Variants in FKBP5 observed in about 807,000 individuals in gnomAD.
FKBP5 encodes the protein peptidyl-prolyl cis-trans isomerase FKBP5.
In FKBP5, 23 loss-of-function variants were observed where a neutral mutation model predicts 50.5. That is an observed-to-expected ratio of 0.46 (90% CI 0.33 to 0.65). FKBP5 has a LOEUF of 0.65. Ranked by LOEUF, FKBP5 falls within the 30% of genes least tolerant of loss-of-function variation. The probability of loss-of-function intolerance (pLI) is 0.02; values close to 1 mark genes in which losing one functional copy is unlikely to be tolerated. For missense variants in FKBP5, 411 were observed against 553.1 expected, an observed-to-expected ratio of 0.74 and a Z score of 2.58; for synonymous variants, 176 against 190.6, an observed-to-expected ratio of 0.92 and a Z score of 0.63.
chr6:35,714,469 A>T (rs1330104999), intron 2 of FKBP5, among the ~76,000 whole-genome samples: 2 of 144,570 alleles, frequency 1.4e-5, no homozygotes, highest in African/African-American at 5.1e-5. Flanking sequence ...AAAAAAAAAG[A>T]AAAGAAAAAC....
At chr6:35,608,346 C>G (rs1477041141) in intron 5 of FKBP5, among the ~76,000 whole-genome samples, 2 of 152,004 alleles carry the variant, frequency 1.3e-5, no homozygotes, top group African/African-American at 4.8e-5. Context: ...TGGCACATGT[C>G]CCCCCTGAAT....
intron 2 of FKBP5, among the ~76,000 whole-genome samples, chr6:35,714,831 T>A (rs1766485036): frequency 7.4e-6 from 1 of 135,660 alleles, no homozygotes; most frequent in Non-Finnish European, 1.6e-5. Context: ...AAAAAAAAAA[T>A]TCTGTGTTCT....
intron 1 of FKBP5, among the ~76,000 whole-genome samples, chr6:35,645,018 CA>C (rs1764592391): frequency 6.6e-6 from 1 of 152,142 alleles, no homozygotes; most frequent in South Asian, 2.1e-4. Flanking sequence ...AAAGACCTTT[CA>C]AGTAAAACAA....
intron 3 of FKBP5, among the ~76,000 whole-genome samples, chr6:35,631,714 T>A (rs1764160725): frequency 1.3e-5 from 2 of 152,144 alleles, no homozygotes; most frequent in African/African-American, 2.4e-5. Flanking sequence ...CTCAGCACTT[T>A]GGGAGGCCGA....
chr6:35,674,937 G>C (rs1448071798), intron 1 of FKBP5, among the ~76,000 whole-genome samples: 1 of 152,200 alleles, frequency 6.6e-6, no homozygotes, highest in Non-Finnish European at 1.5e-5. Flanking sequence ...TGTCCTTTCT[G>C]AGAGCAGGAT....
At position 35,603,933 on chromosome 6, in the gene FKBP5, C is replaced by T. The variant is rs544413879; in HGVS notation, c.509-6529G>A. On this transcript the variant is annotated intron_variant, in intron 5 of 10. Transcript: ENST00000357266. Reference sequence around the variant, plus strand: ...GTTGGCCAGGCTGGTCTTGAACTCCCGACCTCAAGTGATCCTCCAGCCTTG... The same window carrying T: ...GTTGGCCAGGCTGGTCTTGAACTCCTGACCTCAAGTGATCCTCCAGCCTTG... 1.2e-3 allele frequency among the ~76,000 whole-genome samples: 179 copies of T among 150,968 alleles called. 2 individuals are homozygous for T. The highest frequency in any genetic ancestry group is 6.1e-3 in the Admixed American group (93 of 15,154).
intron 1 of FKBP5, among the ~76,000 whole-genome samples, chr6:35,727,741 C>A (rs74943948): frequency 0.036 from 5,541 of 152,176 alleles, 199 homozygotes; most frequent in African/African-American, 0.09. Context: ...TCCCGCCCCC[C>A]GGACTGAGCG....
intron 1 of FKBP5, among the ~76,000 whole-genome samples, chr6:35,657,541 C>T (rs561584008): frequency 1.4e-4 from 22 of 152,302 alleles, no homozygotes; most frequent in Non-Finnish European, 2.6e-4. Context: ...CTTTTAAGAA[C>T]CCACGTGATT....
intron 6 of FKBP5, among the ~76,000 whole-genome samples, chr6:35,597,046 A>G (rs1319740085): frequency 1.3e-5 from 2 of 152,244 alleles, no homozygotes; most frequent in African/African-American, 4.8e-5. Flanking sequence ...TTCTGAACAT[A>G]TATCAATCAA....
intron 1 of FKBP5, among the ~76,000 whole-genome samples, chr6:35,675,929 G>A (rs1464651083): frequency 6.6e-6 from 1 of 152,118 alleles, no homozygotes; most frequent in Non-Finnish European, 1.5e-5. Context: ...CCTCTCTCCA[G>A]TTGCTGTATA....
intron 6 of FKBP5, among the ~76,000 whole-genome samples, chr6:35,592,431 G>A (rs1762850331): frequency 6.6e-6 from 1 of 152,188 alleles, no homozygotes; most frequent in Non-Finnish European, 1.5e-5. Flanking sequence ...GAGCTGGTAG[G>A]AATGAGGAGC....
intron 8 of FKBP5, chr6:35,583,162 T>C (rs1762492597): frequency 1.0e-6 from 1 of 985,446 alleles, no homozygotes; most frequent in Non-Finnish European, 1.2e-6. Flanking sequence ...ATGAAAAGTG[T>C]TGTTTCACTG....
intron 1 of FKBP5, among the ~76,000 whole-genome samples, chr6:35,670,834 C>A (rs147458246): frequency 6.6e-6 from 1 of 151,576 alleles, no homozygotes; most frequent in East Asian, 1.9e-4. Flanking sequence ...ATTGAAATAG[C>A]CTAGGAATCT....
chr6:35,583,611 G>T (rs1762511017), intron 8 of FKBP5: 1 of 966,350 alleles, frequency 1.0e-6, no homozygotes, highest in Non-Finnish European at 1.2e-6. Flanking sequence ...CAGGTCTGGA[G>T]GCATTTTTAG....
chr6:35,667,177 G>A (rs752632485), intron 1 of FKBP5, among the ~76,000 whole-genome samples: 4 of 152,072 alleles, frequency 2.6e-5, no homozygotes, highest in Non-Finnish European at 5.9e-5. Context: ...ATTATCCACA[G>A]TACAAGAAAT....
intron 3 of FKBP5, among the ~76,000 whole-genome samples, chr6:35,634,995 G>C (rs1463259003): frequency 7.4e-6 from 1 of 134,590 alleles, no homozygotes; most frequent in African/African-American, 2.9e-5. Context: ...TTCAAGACTA[G>C]CCTGGGCAAC....
intron 1 of FKBP5, among the ~76,000 whole-genome samples, chr6:35,669,889 C>A (rs1765337234): frequency 1.3e-5 from 2 of 152,100 alleles, no homozygotes; most frequent in African/African-American, 4.8e-5. Context: ...CTCTTGCTTG[C>A]CAGGAAGCTC....
intron 3 of FKBP5, among the ~76,000 whole-genome samples, chr6:35,621,700 T>C (rs1763850550): frequency 6.6e-6 from 1 of 151,450 alleles, no homozygotes; most frequent in African/African-American, 2.4e-5. Flanking sequence ...CTGGGCACGT[T>C]GGCTCGCGCC....
rs1219149705 is a variant in FKBP5 at position 35,657,228 on chromosome 6, A to G, written c.-19-14385T>C. Among the ~76,000 whole-genome samples the G allele has an allele frequency of 2.6e-5, 4 of 152,198 alleles. No individual in the cohort carries two copies. The East Asian group carries it at 5.8e-4, about 22-fold the overall frequency. On this transcript the variant is annotated intron_variant, in intron 1 of 10. Transcript: ENST00000357266. ...AGACTCCGTCTCAAGTAAAAAAAAG[A>G]AAAAAGAAAAAATTAACACAAACTT... is the stretch of plus-strand genomic sequence containing the variant.
Sources: gnomAD v4.1 joint callset for allele counts (sites outside exome capture counted in the v4.1 genomes callset) on GRCh38, gnomAD v4.1.1 for gene constraint, MANE v1.5 for transcripts, NCBI Gene and HGNC (gene_info 2026-07-23, HGNC 2026-07-21) for gene names.